LRP2: variants seen among roughly 807,000 people sequenced by gnomAD.
LRP2 encodes the protein LDL receptor related protein 2.
Under a neutral mutation model 531.0 loss-of-function variants are expected in LRP2, and 172 were observed. The ratio of observed to expected loss-of-function variants is 0.32; its 90% CI spans 0.29 to 0.37. The LOEUF is 0.37. LRP2 is among the 10% of genes least tolerant of loss of function. The pLI is 1.00. For synonymous variants in LRP2, 1,992 were observed against 2,027.6 expected (o/e 0.98, Z 0.47); for missense variants, 5,167 against 5,868.3 (o/e 0.88, Z 3.90).
chr2:169,180,881 AT>A (rs1276066290), intron 52 of LRP2, among the ~76,000 whole-genome samples: 18 of 152,292 alleles, frequency 1.2e-4, no homozygotes, highest in Admixed American at 6.5e-5. Context: ...TACAATGAGT[AT>A]TTTTTATTGA....
At chr2:169,139,711 A>G in intron 72 of LRP2, 101 bp from the exon 73 acceptor site, 1 of 991,140 alleles carries the variant, frequency 1.0e-6, no homozygotes, top group South Asian at 1.3e-5. Flanking sequence ...TGACTGCATA[A>G]ATTACATGTT....
At chr2:169,174,288 A>G (rs1455521119) in intron 55 of LRP2, 124 bp from the exon 56 acceptor site, 3 of 1,187,870 alleles carry the variant, frequency 2.5e-6, no homozygotes, top group Non-Finnish European at 3.6e-6. Context: ...TTCCTAATGT[A>G]CTTATCAGTC....
chr2:169,207,256 G>C lies in LRP2; in HGVS notation c.6470-6C>G. ...ATTGGTGAAATAAAGATTTCCTATG[G>C]GAAAAATGAAAGTGCATGCTGATCA... On this transcript the variant is annotated splice_region_variant and splice_polypyrimidine_tract_variant and intron_variant, in intron 38 of 78. Transcript: ENST00000649046. 6.2e-7 allele frequency: 1 copy of C among 1,610,426 alleles called. No individual in the cohort carries two copies. Among genetic ancestry groups the C allele is most frequent in the South Asian group, 1.1e-5 (1 of 90,940 alleles).
At chr2:169,139,697 G>C in intron 72 of LRP2, 87 bp from the exon 73 acceptor site, 1 of 1,099,776 alleles carries the variant, frequency 9.1e-7, no homozygotes, top group Admixed American at 1.7e-5. Context: ...AGTAGAGAGA[G>C]CTTTGACTGC....
chr2:169,148,606 T>C (rs534750794), intron 68 of LRP2, among the ~76,000 whole-genome samples: 2 of 152,192 alleles, frequency 1.3e-5, no homozygotes, highest in South Asian at 2.1e-4. Context: ...CCAGTCTGGG[T>C]GACAGAGCAA....
At chr2:169,170,515 C>A in intron 59 of LRP2, 36 bp downstream of exon 59, 1 of 1,555,718 alleles carries the variant, frequency 6.4e-7, no homozygotes. Flanking sequence ...TGTCACAGTA[C>A]AAAATTCTAT....
intron 5 of LRP2, 58 bp from the exon 6 acceptor site, chr2:169,294,319 T>C (rs1684080733): frequency 1.9e-6 from 2 of 1,029,734 alleles, no homozygotes; most frequent in South Asian, 1.3e-5. Context: ...ATTGTAGCCA[T>C]TTAATCTCAA....
chr2:169,173,119 T>A lies in LRP2; in HGVS notation c.11120A>T (p.Asp3707Val), dbSNP rs1360381459. ...AVCNGVDDCR[D>V]NSDEQGCEER... ...ACCACAGCCTTGCTCATCACTGTTG[T>A]CCCTGCAGTCATCTACACCATTGCA... The change falls in exon 57 of 79, where the codon GAC becomes GTC. Residue 3707 changes from aspartate to valine, a missense_variant. Physicochemically the swap from Asp to Val is radical, Grantham distance 152. Transcript: ENST00000649046. 1 of 1,614,092 alleles carries A rather than the reference T, an allele frequency of 6.2e-7. No individual in the cohort carries two copies. The highest frequency in any genetic ancestry group is 2.2e-5 in the East Asian group (1 of 44,868).
intron 68 of LRP2, 43 bp from the exon 69 acceptor site, chr2:169,147,002 G>C (rs1449631638): frequency 2.1e-6 from 3 of 1,436,840 alleles, no homozygotes; most frequent in Non-Finnish European, 2.9e-6. Context: ...CACCTGGTAA[G>C]ACTTCTCCAC....
At chr2:169,287,054 G>T (rs1267703122) in intron 9 of LRP2, among the ~76,000 whole-genome samples, 12 of 152,194 alleles carry the variant, frequency 7.9e-5, no homozygotes, top group Admixed American at 7.2e-4. Flanking sequence ...ACTCTGAGCA[G>T]AAGTGAGGCT....
chr2:169,162,700 T>G, intron 62 of LRP2, 100 bp from the exon 63 acceptor site: 1 of 1,249,512 alleles, frequency 8.0e-7, no homozygotes, highest in Non-Finnish European at 1.1e-6. Flanking sequence ...AATAAACAAG[T>G]GCTTCCCTAC....
At chr2:169,148,002 T>G (rs985452769) in intron 68 of LRP2, among the ~76,000 whole-genome samples, 1 of 152,258 alleles carries the variant, frequency 6.6e-6, no homozygotes, top group Non-Finnish European at 1.5e-5. Flanking sequence ...TGGGCCATAT[T>G]TGGCCCACCA....
chr2:169,197,020 C>A lies in LRP2; in HGVS notation c.8589G>T (p.Thr2863=). The A allele has an allele frequency of 6.2e-7, 1 of 1,613,912 alleles. No individual in the cohort carries two copies. Among genetic ancestry groups the A allele is most frequent in the Non-Finnish European group, 8.5e-7 (1 of 1,179,980 alleles). The part of the protein sequence containing the change: ...DENPTYCTTH[T]CSSSEFQCAS... ...CGCATTGGAACTCACTGCTGCTGCA[C>A]GTGTGAGTGGCTGCAGGAGGGAAAG... is the stretch of plus-strand genomic sequence containing the variant. Residue 2863 remains threonine (T), a synonymous_variant, in exon 46 of 79, where the codon ACG becomes ACT. Coordinates refer to ENST00000649046, the MANE Select transcript of LRP2 (RefSeq NM_004525.3).
At position 169,226,449 on chromosome 2, in the gene LRP2, C is replaced by T. The variant is rs528249827; in HGVS notation, c.5367G>A (p.Glu1789=). 3.4e-5 allele frequency: 55 copies of T among 1,613,616 alleles called. 1 individual carries two copies. In the East Asian group the frequency reaches 1.1e-3, roughly 33 times the overall value. Residue 1789 remains glutamate, a synonymous_variant, in exon 32 of 79, where the codon GAG becomes GAA. Transcript: ENST00000649046. ...NGLDVEFDDA[E]QYIYWVENPG... is the part of the protein sequence containing the mutation. ...GATTTTCAACCCAATAGATGTATTG[C>T]TCAGCATCATCAAATTCAACATCTA... is the stretch of plus-strand genomic sequence containing the variant.
intron 4 of LRP2, among the ~76,000 whole-genome samples, chr2:169,296,384 G>A (rs891152474): frequency 1.3e-5 from 2 of 151,582 alleles, no homozygotes; most frequent in Admixed American, 1.3e-4. Context: ...GTCTTTCCTC[G>A]CTGAGATGAT....
chr2:169,271,802 T>A, intron 15 of LRP2: 1 of 367,916 alleles, frequency 2.7e-6, no homozygotes, highest in Non-Finnish European at 3.8e-6. Flanking sequence ...CCAAGATAAT[T>A]AACAGCAATC....
chr2:169,196,645 A>T (rs151233650), intron 46 of LRP2, among the ~76,000 whole-genome samples: 1 of 152,246 alleles, frequency 6.6e-6, no homozygotes, highest in Non-Finnish European at 1.5e-5. Context: ...CCAGCTAAGC[A>T]CTGTATTAGG....
chr2:169,137,825 G>A (rs1322785301), intron 75 of LRP2, among the ~76,000 whole-genome samples: 1 of 151,912 alleles, frequency 6.6e-6, no homozygotes, highest in East Asian at 1.9e-4. Flanking sequence ...CAGAGAAAAG[G>A]ATAATGGTGG....
At chr2:169,170,791 G>A in intron 58 of LRP2, 124 bp from the exon 59 acceptor site, 1 of 758,826 alleles carries the variant, frequency 1.3e-6, no homozygotes, top group Admixed American at 1.8e-5. Context: ...CCAGAGGTGT[G>A]CTTGGGCAAA....
Sources: allele counts gnomAD v4.1 joint callset (sites outside exome capture counted in the v4.1 genomes callset), GRCh38; gene constraint gnomAD v4.1.1; transcripts MANE v1.5; gene names NCBI Gene and HGNC (gene_info 2026-07-23, HGNC 2026-07-21).